Variants in ADAP1 observed in about 807,000 individuals in gnomAD.
ADAP1 encodes the protein ArfGAP with dual PH domains 1, also known as arf-GAP with dual PH domain-containing protein 1.
In ADAP1, 31 loss-of-function variants were observed where a neutral mutation model predicts 54.9. The observed-to-expected ratio is 0.56, with a 90% CI of 0.42 to 0.76. ADAP1 has a LOEUF of 0.76. ADAP1 is among the 30% of genes least tolerant of loss of function. The probability of loss-of-function intolerance (pLI) is 0.00; values close to 1 mark genes in which losing one functional copy is unlikely to be tolerated. For synonymous variants in ADAP1, 313 were observed against 202.6 expected (o/e 1.55, Z -4.63); for missense variants, 535 against 512.4 (o/e 1.04, Z -0.42).
chr7:944,497 G>A (rs560833991), intron 1 of ADAP1, among the ~76,000 whole-genome samples: 8 of 152,022 alleles, frequency 5.3e-5, no homozygotes, highest in African/African-American at 9.6e-5. Context: ...CAGGTGATCC[G>A]CCCACCTCGG....
intron 5 of ADAP1, 99 bp downstream of exon 5, chr7:904,961 G>A: frequency 9.8e-7 from 1 of 1,017,190 alleles, no homozygotes; most frequent in Non-Finnish European, 1.5e-6. Context: ...GCAGCAGGGA[G>A]GGCAGCTGCG....
intron 5 of ADAP1, among the ~76,000 whole-genome samples, chr7:904,515 A>G (rs1844995724): frequency 1.3e-5 from 2 of 151,236 alleles, no homozygotes; most frequent in Admixed American, 6.6e-5. Flanking sequence ...CAGACACTGC[A>G]CCTCCCTCCC....
intron 3 of ADAP1, among the ~76,000 whole-genome samples, chr7:922,574 G>A (rs1466040866): frequency 9.2e-5 from 14 of 152,132 alleles, no homozygotes; most frequent in Admixed American, 9.2e-4. Context: ...CACACAGCTG[G>A]CACGTCCATC....
intron 6 of ADAP1, chr7:901,035 G>C (rs753576412): frequency 8.5e-6 from 4 of 473,334 alleles, no homozygotes; most frequent in African/African-American, 4.0e-5. Context: ...AGCAAGTCTT[G>C]GGGTGGTGGG....
intron 4 of ADAP1, chr7:905,602 A>AAAGGG (rs1845179961): frequency 3.5e-4 from 7 of 20,012 alleles, no homozygotes; most frequent in African/African-American, 5.8e-4. Flanking sequence ...AGGAGAAAGG[A>AAAGGG]GAAAGGAGAA....
intron 7 of ADAP1, 128 bp from the exon 8 acceptor site, chr7:900,292 C>T: frequency 8.6e-7 from 1 of 1,169,266 alleles, no homozygotes; most frequent in Non-Finnish European, 1.2e-6. Flanking sequence ...GGCTTAGCCT[C>T]CGCAGGATCC....
intron 1 of ADAP1, among the ~76,000 whole-genome samples, chr7:936,216 A>ATTTT (rs57738487): frequency 6.6e-6 from 1 of 151,304 alleles, no homozygotes; most frequent in Non-Finnish European, 1.5e-5. Context: ...AGGGAGCAGA[A>ATTTT]TTTTTTTTGA....
intron 5 of ADAP1, 110 bp downstream of exon 5, chr7:904,950 G>GT: frequency 4.9e-6 from 4 of 810,538 alleles, no homozygotes; most frequent in Non-Finnish European, 5.9e-6. Flanking sequence ...CATCGGGGGG[G>GT]GCAGCAGGGA....
chr7:947,343 C>T (rs1336049425), intron 1 of ADAP1, among the ~76,000 whole-genome samples: 1 of 151,632 alleles, frequency 6.6e-6, no homozygotes, highest in Non-Finnish European at 1.5e-5. Context: ...AGGTGTGAGC[C>T]ACCGCGCCTG....
chr7:939,566 C>T (rs772731447), intron 1 of ADAP1, among the ~76,000 whole-genome samples: 8 of 149,640 alleles, frequency 5.3e-5, no homozygotes, highest in Admixed American at 2.0e-4. Flanking sequence ...TGTGGTGGCT[C>T]ACACCTGTAA....
intron 6 of ADAP1, 25 bp downstream of exon 6, chr7:904,101 G>C: frequency 6.2e-7 from 1 of 1,610,540 alleles, no homozygotes; most frequent in Middle Eastern, 1.9e-4. Flanking sequence ...GTGCCACCCG[G>C]GCCCGAGTGC....
chr7:940,577 G>A, intron 1 of ADAP1, among the ~76,000 whole-genome samples: 1 of 152,172 alleles, frequency 6.6e-6, no homozygotes, highest in East Asian at 1.9e-4. Context: ...TACAGAGCAA[G>A]TGGAACTCTC....
rs1048999458 is a variant in ADAP1, at chr7:906,696, T to G, written c.389-1524A>C. Among the ~76,000 whole-genome samples the G allele has an allele frequency of 3.7e-3, 92 of 25,020 alleles. 1 individual carries two copies. The highest frequency in any genetic ancestry group is 0.017 in the East Asian group (7 of 402). The allele number at this position is 25,020 out of a possible 152,430, so 16.4% of individuals were successfully genotyped here. Reference sequence around the variant, plus strand: ...ACATGGACAGGGGACACGGGGGACATGGACATGGGGGACGGGACATCGGGG... The same window carrying G: ...ACATGGACAGGGGACACGGGGGACAGGGACATGGGGGACGGGACATCGGGG... On this transcript the variant is annotated intron_variant, in intron 4 of 10. Coordinates refer to ENST00000265846, the MANE Select transcript of ADAP1 (RefSeq NM_006869.4).
intron 2 of ADAP1, among the ~76,000 whole-genome samples, chr7:933,517 C>CA: frequency 1.5e-5 from 1 of 67,822 alleles, no homozygotes; most frequent in Non-Finnish European, 2.9e-5. Context: ...GCTGGAGAGC[C>CA]GGGGGCCGGG....
At chr7:916,260 G>A (rs554668829) in intron 4 of ADAP1, among the ~76,000 whole-genome samples, 90 of 152,288 alleles carry the variant, frequency 5.9e-4, no homozygotes, top group Admixed American at 1.6e-3. Context: ...ACCTAGAGAC[G>A]CAGAACTAGG....
intron 5 of ADAP1, 135 bp from the exon 6 acceptor site, chr7:904,407 T>A (rs1844987589): frequency 1.7e-6 from 2 of 1,168,534 alleles, no homozygotes. Flanking sequence ...TTAAGCGCTC[T>A]GAGCCTTGGC....
At chr7:931,788 A>G (rs1485970717) in intron 2 of ADAP1, among the ~76,000 whole-genome samples, 1 of 148,684 alleles carries the variant, frequency 6.7e-6, no homozygotes, top group Non-Finnish European at 1.5e-5. Context: ...AAAAAAAAAA[A>G]CATAAAATGT....
chr7:907,939 CA>C (rs1251988609), intron 4 of ADAP1, among the ~76,000 whole-genome samples: 1 of 152,038 alleles, frequency 6.6e-6, no homozygotes, highest in Non-Finnish European at 1.5e-5. Flanking sequence ...GTGGCCCCTC[CA>C]GGGGTCGCGG....
In ADAP1 at chr7:920,977, G is replaced by C. The variant is rs1554275090; in HGVS notation, c.306-927C>G. 1 of 1,009,276 alleles carries C rather than the reference G, an allele frequency of 9.9e-7. No individual in the cohort carries two copies. The highest frequency in any genetic ancestry group is 1.5e-6 in the Non-Finnish European group (1 of 682,982). 62.5% of individuals were successfully genotyped at this position (1,009,276 alleles called of 1,614,324 possible). A position where few individuals can be genotyped will look rare whatever the true frequency, so the allele number is the denominator to read the frequency against. On this transcript the variant is annotated intron_variant, in intron 3 of 10. Transcript: ENST00000265846. The surrounding 1 kb of genome is among the most constrained non-coding windows in gnomAD (Gnocchi z 4.5). ...ACTGGGCGGGAATCCTCGCCCACAG[G>C]ATCTGATGGGTGATGGGTCCCAGCT... is the stretch of plus-strand genomic sequence containing the variant.
Sources: gnomAD v4.1 joint callset for allele counts (sites outside exome capture counted in the v4.1 genomes callset) on GRCh38, gnomAD v4.1.1 for gene constraint, Gnocchi (gnomAD v3.1) non-coding constraint, MANE v1.5 for transcripts, NCBI Gene and HGNC (gene_info 2026-07-23, HGNC 2026-07-21) for gene names.